The following ZHX3 variants were observed in gnomAD, a reference collection of about 807,000 sequenced individuals.
The protein encoded by ZHX3 is zinc fingers and homeoboxes 3.
ZHX3 carries 20 observed loss-of-function variants against 64.5 expected under a neutral mutation model. The ratio of observed to expected loss-of-function variants is 0.31; its 90% CI spans 0.22 to 0.45. The LOEUF (loss-of-function observed/expected upper bound fraction) is 0.45. Ranked by LOEUF, ZHX3 falls within the 20% of genes least tolerant of loss-of-function variation. The probability of loss-of-function intolerance (pLI) is 1.00; values close to 1 mark genes in which losing one functional copy is unlikely to be tolerated. For synonymous variants in ZHX3, 423 were observed against 461.6 expected (o/e 0.92, Z 1.07); for missense variants, 1,041 against 1,195.8 (o/e 0.87, Z 1.91).
chr20:41,280,596 T>TA (rs1303189921), intron 1 of ZHX3, among the ~76,000 whole-genome samples: 5 of 152,154 alleles, frequency 3.3e-5, no homozygotes, highest in African/African-American at 1.2e-4. Flanking sequence ...TTGTTTTTTT[T>TA]AGTAGAGACG....
chr20:41,254,836 G>A (rs986585484), intron 2 of ZHX3, among the ~76,000 whole-genome samples: 1 of 152,138 alleles, frequency 6.6e-6, no homozygotes, highest in African/African-American at 2.4e-5. Flanking sequence ...GACCCCTCAA[G>A]GAGTTGATAA....
chr20:41,274,861 A>G (rs2043307453), intron 1 of ZHX3, among the ~76,000 whole-genome samples: 1 of 144,536 alleles, frequency 6.9e-6, no homozygotes, highest in Non-Finnish European at 1.5e-5. Context: ...AAAGGATCTT[A>G]AGAATCAAAC....
At chr20:41,225,018 T>C (rs1393821346) in intron 2 of ZHX3, among the ~76,000 whole-genome samples, 1 of 152,248 alleles carries the variant, frequency 6.6e-6, no homozygotes, top group Non-Finnish European at 1.5e-5. Flanking sequence ...TTCCGTAGCA[T>C]ATAGCACAAT....
Position 41,266,402 on chromosome 20 carries a change from T to C in ZHX3, c.-151+2588A>G, listed in dbSNP as rs572003127. ...TCCCCCACTGCAACCTCCAGTCATATGCAATGTCCCCATCCTACCAGTTAT... is the reference window on the plus strand; with the variant it reads ...TCCCCCACTGCAACCTCCAGTCATACGCAATGTCCCCATCCTACCAGTTAT... On this transcript the variant is annotated intron_variant, in intron 2 of 3. Coordinates refer to ENST00000683867, the MANE Select transcript of ZHX3 (RefSeq NM_001384317.1). Among the ~76,000 whole-genome samples, 36 of 152,280 alleles carry C rather than the reference T, an allele frequency of 2.4e-4. 1 individual carries two copies. The highest frequency in any genetic ancestry group is 8.4e-4 in the African/African-American group (35 of 41,550).
At chr20:41,284,856 C>T (rs556717184) in intron 1 of ZHX3, among the ~76,000 whole-genome samples, 4 of 152,300 alleles carry the variant, frequency 2.6e-5, no homozygotes, top group African/African-American at 9.6e-5. Context: ...CTACCCCCTA[C>T]ACAGCATGCT....
intron 3 of ZHX3, among the ~76,000 whole-genome samples, chr20:41,193,575 T>C (rs1351572322): frequency 3.3e-5 from 5 of 152,176 alleles, no homozygotes; most frequent in African/African-American, 1.2e-4. Flanking sequence ...ACTACAGTTA[T>C]GTCACTGTGC....
chr20:41,285,651 TAGA>T (rs1028381583), intron 1 of ZHX3, among the ~76,000 whole-genome samples: 93 of 152,334 alleles, frequency 6.1e-4, no homozygotes, highest in African/African-American at 2.0e-3. Flanking sequence ...CAAAACTGGG[TAGA>T]AGAAGGGAGA....
At chr20:41,234,278 A>G (rs935779716) in intron 2 of ZHX3, among the ~76,000 whole-genome samples, 1 of 152,230 alleles carries the variant, frequency 6.6e-6, no homozygotes, top group African/African-American at 2.4e-5. Flanking sequence ...CACTCAGCAC[A>G]TATGAAGCAC....
At position 41,317,510 on chromosome 20, in the gene ZHX3, T is replaced by G. The variant is rs1318631454; in HGVS notation, c.-246A>C. 6.7e-6 allele frequency: 1 copy of G among 149,424 alleles called. No individual in the cohort carries two copies. Among genetic ancestry groups the G allele is most frequent in the Non-Finnish European group, 1.5e-5 (1 of 67,154 alleles). 9.3% of individuals were successfully genotyped at this position (149,424 alleles called of 1,614,324 possible). A position where few individuals can be genotyped will look rare whatever the true frequency, so the allele number is the denominator to read the frequency against. ...CGGCTGGCCGTGGCGGGCGCTCACC[T>G]GGCAGCGGCGGCGGTGGCGGCGCCC... On this transcript the variant is annotated splice_region_variant and 5_prime_UTR_variant, in exon 1 of 4. Coordinates refer to ENST00000683867, the MANE Select transcript of ZHX3 (RefSeq NM_001384317.1).
At chr20:41,285,029 C>A (rs1386199066) in intron 1 of ZHX3, among the ~76,000 whole-genome samples, 2 of 152,164 alleles carry the variant, frequency 1.3e-5, no homozygotes, top group African/African-American at 2.4e-5. Context: ...TCAGCGTAAA[C>A]ACTTCTTTCT....
intron 1 of ZHX3, among the ~76,000 whole-genome samples, chr20:41,275,158 C>CA (rs1017804125): frequency 8.7e-5 from 13 of 149,058 alleles, no homozygotes; most frequent in Admixed American, 1.3e-4. Flanking sequence ...AACTCCGTCT[C>CA]AAAAAAAAAG....
intron 3 of ZHX3, among the ~76,000 whole-genome samples, chr20:41,196,404 A>ATATAACATAAATATATATTTATATATATT (rs1568796029): frequency 1.2e-5 from 1 of 81,430 alleles, no homozygotes; most frequent in Non-Finnish European, 2.2e-5. Context: ...TATATATATT[A>ATATAACATAAATATATATTTATATATATT]TATATTATAT....
rs558707177 is a variant in ZHX3 at position 41,281,967 on chromosome 20, G to C, written c.-244-12884C>G. On this transcript the variant is annotated intron_variant, in intron 1 of 3. Coordinates refer to ENST00000683867, the MANE Select transcript of ZHX3 (RefSeq NM_001384317.1). ...TGATGACAGTGGCCCACATTAGGGT[G>C]CTGGCAGGGAAGATGGATTCCCTAT... Among the ~76,000 whole-genome samples the C allele has an allele frequency of 2.0e-5, 3 of 152,310 alleles. No homozygotes were observed. In the East Asian group the frequency reaches 5.8e-4, roughly 29 times the overall value.
At chr20:41,211,323 G>A (rs1318639198) in intron 2 of ZHX3, among the ~76,000 whole-genome samples, 1 of 151,956 alleles carries the variant, frequency 6.6e-6, no homozygotes, top group Admixed American at 6.6e-5. Context: ...AAGATGTAAA[G>A]AAAATTAAAA....
intron 2 of ZHX3, among the ~76,000 whole-genome samples, chr20:41,215,908 C>T (rs1177683559): frequency 1.4e-5 from 2 of 147,454 alleles, no homozygotes; most frequent in South Asian, 2.1e-4. Context: ...GCAGAGATGG[C>T]GCCACTGCAC....
At chr20:41,314,954 T>TG (rs568392335) in intron 1 of ZHX3, among the ~76,000 whole-genome samples, 542 of 152,226 alleles carry the variant, frequency 3.6e-3, no homozygotes, top group Non-Finnish European at 5.7e-3. Flanking sequence ...TCAGGGTTAA[T>TG]GAGGGAGAGA....
intron 3 of ZHX3, among the ~76,000 whole-genome samples, chr20:41,197,701 T>G (rs2037855779): frequency 6.6e-6 from 1 of 151,966 alleles, no homozygotes; most frequent in Admixed American, 6.6e-5. Context: ...GCCATTTGGC[T>G]ATTTGTTTTT....
intron 2 of ZHX3, among the ~76,000 whole-genome samples, chr20:41,264,915 T>C (rs1319390713): frequency 1.3e-5 from 2 of 152,142 alleles, no homozygotes; most frequent in African/African-American, 4.8e-5. Context: ...AAACTAATAA[T>C]AAAGGTATAT....
chr20:41,275,687 G>T (rs2043346189), intron 1 of ZHX3, among the ~76,000 whole-genome samples: 1 of 152,222 alleles, frequency 6.6e-6, no homozygotes. Context: ...GAACTGGAAA[G>T]CCCTTCTAAC....
Sources: gnomAD v4.1 joint callset for allele counts (sites outside exome capture counted in the v4.1 genomes callset) on GRCh38, gnomAD v4.1.1 for gene constraint, MANE v1.5 for transcripts, NCBI Gene and HGNC (gene_info 2026-07-23, HGNC 2026-07-21) for gene names.